Variants in DNAJC13 observed in about 807,000 individuals in gnomAD.
The protein encoded by DNAJC13 is DnaJ heat shock protein family (Hsp40) member C13, also known as dnaJ homolog subfamily C member 13.
Under a neutral mutation model 290.5 loss-of-function variants are expected in DNAJC13, and 75 were observed. The observed-to-expected ratio is 0.26, with a 90% CI of 0.21 to 0.31. DNAJC13 has a LOEUF of 0.31. Among genes scored for constraint, DNAJC13 ranks in the 10% least tolerant of loss-of-function variants. DNAJC13 has a pLI of 1.00. For missense variants in DNAJC13, 2,260 were observed against 2,674.5 expected (o/e 0.85, Z 3.42); for synonymous variants, 862 against 892.0 (o/e 0.97, Z 0.60).
Position 132,507,480 on chromosome 3 carries a change from T to A in DNAJC13, c.5115+127T>A, listed in dbSNP as rs575089570. On this transcript the variant is annotated intron_variant, in intron 43 of 55. Transcript: ENST00000260818. Reference sequence around the variant, plus strand: ...ACTTTCTTTACTGTGCTGCTTTTTTTTTTTTAACAAATCAAAGGTTTTTGG... The same window carrying A: ...ACTTTCTTTACTGTGCTGCTTTTTTATTTTTAACAAATCAAAGGTTTTTGG... 88 of 660,280 alleles carry A rather than the reference T, an allele frequency of 1.3e-4. No homozygotes were observed. The East Asian group carries it at 1.9e-3, about 14-fold the overall frequency. The allele number at this position is 660,280 out of a possible 1,614,324, so 40.9% of individuals were successfully genotyped here. A position where few individuals can be genotyped will look rare whatever the true frequency, so the allele number is the denominator to read the frequency against.
chr3:132,428,176 C>A (rs1939153948), intron 1 of DNAJC13, among the ~76,000 whole-genome samples: 1 of 152,118 alleles, frequency 6.6e-6, no homozygotes, highest in Non-Finnish European at 1.5e-5. Flanking sequence ...AATTATTCTA[C>A]CTCTCACTTT....
chr3:132,466,237 T>G, intron 18 of DNAJC13, 62 bp from the exon 19 acceptor site: 1 of 1,526,530 alleles, frequency 6.6e-7, no homozygotes. Context: ...TTAATTTATT[T>G]GGGTTTTTAA....
At chr3:132,487,000 C>G (rs528722712) in intron 29 of DNAJC13, among the ~76,000 whole-genome samples, 6 of 151,890 alleles carry the variant, frequency 4.0e-5, no homozygotes, top group Non-Finnish European at 8.8e-5. Context: ...CACTAATTTC[C>G]GTAATGTCAA....
intron 49 of DNAJC13, 50 bp downstream of exon 49, chr3:132,523,047 G>A: frequency 2.5e-6 from 4 of 1,599,928 alleles, no homozygotes; most frequent in South Asian, 1.1e-5. Flanking sequence ...AAAATCACTG[G>A]GAAGGGCAAA....
At chr3:132,449,102 A>T (rs916282585) in intron 5 of DNAJC13, among the ~76,000 whole-genome samples, 1 of 152,158 alleles carries the variant, frequency 6.6e-6, no homozygotes, top group East Asian at 1.9e-4. Context: ...CTGATTTTAC[A>T]TCAGGAGTAA....
chr3:132,514,806 T>G (rs1156235059), intron 46 of DNAJC13, 136 bp downstream of exon 46: 4 of 670,008 alleles, frequency 6.0e-6, no homozygotes, highest in Non-Finnish European at 1.0e-5. Flanking sequence ...TAGATTTGTC[T>G]TCCTAATAAT....
At chr3:132,454,385 G>C (rs989110560) in intron 9 of DNAJC13, among the ~76,000 whole-genome samples, 3 of 138,290 alleles carry the variant, frequency 2.2e-5, no homozygotes, top group African/African-American at 8.2e-5. Flanking sequence ...GCTATGGCGT[G>C]ATCTTGGCTC....
At chr3:132,466,182 T>C in intron 18 of DNAJC13, 112 bp downstream of exon 18, 1 of 1,384,862 alleles carries the variant, frequency 7.2e-7, no homozygotes. Context: ...TTATTTATCA[T>C]AGGAGTTACC....
chr3:132,519,376 G>T (rs1299520318), intron 48 of DNAJC13, among the ~76,000 whole-genome samples: 5 of 152,208 alleles, frequency 3.3e-5, no homozygotes, highest in African/African-American at 1.2e-4. Context: ...ATGTTTTCAT[G>T]TGCTTATTGG....
chr3:132,505,314 C>G lies in DNAJC13; in HGVS notation c.4897C>G (p.Leu1633Val), dbSNP rs749616894. 3 of 1,602,188 alleles carry G rather than the reference C, an allele frequency of 1.9e-6. No homozygotes were observed. In the South Asian group the frequency reaches 3.4e-5, roughly 18 times the overall value. The change falls in exon 42 of 56, where the codon CTT becomes GTT. Residue 1633 changes from leucine to valine, a missense_variant. This residue lies in a region of DNAJC13 where 1,494 missense variants were observed against 1,693.7 expected (regional missense o/e 0.88). Coordinates refer to ENST00000260818, the MANE Select transcript of DNAJC13 (RefSeq NM_015268.4). ...TATTGTCTCCTAGATTTTGAAGATG[C>G]TTAACAGCAACACAGAAAGTCCATA... ...VASVTEILKM[L>V]NSNTESPYLI...
intron 2 of DNAJC13, among the ~76,000 whole-genome samples, chr3:132,444,910 A>G (rs962697929): frequency 6.6e-6 from 1 of 152,174 alleles, no homozygotes; most frequent in South Asian, 2.1e-4. Context: ...CACTTTAGAC[A>G]TGTAGAGTTA....
intron 48 of DNAJC13, among the ~76,000 whole-genome samples, chr3:132,521,769 T>G (rs1174622708): frequency 6.6e-6 from 1 of 152,184 alleles, no homozygotes; most frequent in Non-Finnish European, 1.5e-5. Flanking sequence ...TCTCATCATA[T>G]TTAGGGAATA....
At chr3:132,470,641 A>T (rs1934183553) in intron 20 of DNAJC13, among the ~76,000 whole-genome samples, 2 of 129,924 alleles carry the variant, frequency 1.5e-5, no homozygotes, top group African/African-American at 3.0e-5. Flanking sequence ...TCCCTCCCGG[A>T]CGGGGCGGCT....
Position 132,453,425 on chromosome 3 carries a change from G to A in DNAJC13, c.665G>A (p.Arg222His), listed in dbSNP as rs907033081. The A allele has an allele frequency of 6.2e-6, 10 of 1,613,818 alleles. No individual in the cohort carries two copies. Among genetic ancestry groups the A allele is most frequent in the Admixed American group, 1.7e-5 (1 of 59,986 alleles). ...PLEFEQYLNL[R>H]FGKYSTDESI... ...GAATTCGAGCAATATTTGAATCTTC[G>A]CTTTGGAAAATACAGCACTGATGAA... The change falls in exon 7 of 56, where the codon CGC becomes CAC. Residue 222 changes from arginine to histidine, a missense_variant. By Grantham distance (29) the Arg-to-His change is conservative (BLOSUM62 0). Around this residue, in one of 3 missense-constraint regions of DNAJC13, gnomAD observed 762 missense variants for 964.1 expected, o/e 0.79. Coordinates refer to ENST00000260818, the MANE Select transcript of DNAJC13 (RefSeq NM_015268.4).
In DNAJC13 at chr3:132,523,545, T is replaced by G; in HGVS notation, c.5892T>G (p.Pro1964=). 1.6e-5 allele frequency: 26 copies of G among 1,610,924 alleles called. No individual in the cohort carries two copies. Among genetic ancestry groups the G allele is most frequent in the East Asian group, 2.2e-5 (1 of 44,860 alleles). ...QDNPEANWKL[P]EDFAVVFGEA... ...GGTTCTTTCTCTATTTAAAGTTGCCTGAAGATTTTGCTGTGGTGTTTGGAG... is the reference window on the plus strand; with the variant it reads ...GGTTCTTTCTCTATTTAAAGTTGCCGGAAGATTTTGCTGTGGTGTTTGGAG... Residue 1964 remains proline, a synonymous_variant, in exon 51 of 56, where the codon CCT becomes CCG. Coordinates refer to ENST00000260818, the MANE Select transcript of DNAJC13 (RefSeq NM_015268.4).
At position 132,422,035 on chromosome 3, in the gene DNAJC13, C is replaced by CT. The variant is rs571900223; in HGVS notation, c.-14+4286dup. 7.7e-4 allele frequency among the ~76,000 whole-genome samples: 110 copies of CT among 143,520 alleles called. 1 individual carries two copies. Among genetic ancestry groups the CT allele is most frequent in the South Asian group, 4.2e-3 (19 of 4,480 alleles). 94.2% of individuals were successfully genotyped at this position (143,520 alleles called of 152,430 possible). ...GGACTTCTGGACTTTTTTCTTTTTC[C>CT]TTTTTTTTTTTCTTTTTTCAGACCT... On this transcript the variant is annotated intron_variant, in intron 1 of 55. Coordinates refer to ENST00000260818, the MANE Select transcript of DNAJC13 (RefSeq NM_015268.4).
intron 2 of DNAJC13, among the ~76,000 whole-genome samples, chr3:132,440,111 A>G (rs1237599434): frequency 3.3e-5 from 5 of 152,212 alleles, no homozygotes; most frequent in Non-Finnish European, 5.9e-5. Flanking sequence ...CACAAAAATT[A>G]TCTGGTGTGG....
At chr3:132,467,455 CTTTT>C in intron 20 of DNAJC13, 142 bp downstream of exon 20, 1 of 741,460 alleles carries the variant, frequency 1.3e-6, no homozygotes, top group Non-Finnish European at 2.1e-6. Context: ...TAATTTCTTT[CTTTT>C]TTATTTTATT....
At chr3:132,450,600 A>G (rs755759578) in intron 5 of DNAJC13, 47 bp from the exon 6 acceptor site, 1 of 1,388,092 alleles carries the variant, frequency 7.2e-7, no homozygotes, top group Non-Finnish European at 1.0e-6. Flanking sequence ...TTTATTTTAT[A>G]TGATTTTATT....
Sources: allele counts gnomAD v4.1 joint callset (sites outside exome capture counted in the v4.1 genomes callset), GRCh38; gene constraint gnomAD v4.1.1; regional missense constraint gnomAD v4.1.1; transcripts MANE v1.5; gene names NCBI Gene and HGNC (gene_info 2026-07-23, HGNC 2026-07-21).